The following LRPPRC variants were observed in gnomAD, a reference collection of about 807,000 sequenced individuals.
The protein encoded by LRPPRC is leucine rich pentatricopeptide repeat containing, also known as leucine-rich PPR motif-containing protein, mitochondrial.
LRPPRC carries 120 observed loss-of-function variants against 180.3 expected under a neutral mutation model. The ratio of observed to expected loss-of-function variants is 0.67; its 90% confidence interval spans 0.57 to 0.77. The LOEUF is 0.77. Among genes scored for constraint, LRPPRC ranks in the 30% least tolerant of loss-of-function variants. LRPPRC has a pLI of 0.00. For missense variants in LRPPRC, 2,012 were observed against 1,657.2 expected (o/e 1.21, Z -3.72); for synonymous variants, 723 against 600.0 (o/e 1.21, Z -3.00).
chr2:43,959,456 G>A (rs186553524), intron 13 of LRPPRC, among the ~76,000 whole-genome samples: 2 of 152,248 alleles, frequency 1.3e-5, no homozygotes, highest in East Asian at 3.9e-4. Context: ...ATTAATGAGA[G>A]CTTAACTGTT....
intron 34 of LRPPRC, among the ~76,000 whole-genome samples, chr2:43,897,237 CAACA>C (rs1670718229): frequency 6.6e-6 from 1 of 151,964 alleles, no homozygotes; most frequent in Non-Finnish European, 1.5e-5. Flanking sequence ...GCTTTCACTG[CAACA>C]GACAGCCAGC....
intron 31 of LRPPRC, chr2:43,903,439 G>C (rs965321672): frequency 6.6e-6 from 1 of 151,994 alleles, no homozygotes; most frequent in Non-Finnish European, 1.5e-5. Context: ...ACAACGGAAG[G>C]GAATTTTTAA....
At chr2:43,917,987 A>ACCCCCC in intron 29 of LRPPRC, 38 bp downstream of exon 29, 1 of 950,932 alleles carries the variant, frequency 1.1e-6, no homozygotes, top group Non-Finnish European at 1.7e-6. Flanking sequence ...AAAGAAGACC[A>ACCCCCC]CCCCCCCACA....
Position 43,995,926 on chromosome 2 carries a change from C to G in LRPPRC, c.22G>C (p.Ala8Pro). The change falls in exon 1 of 38, where the codon GCG (alanine) becomes CCG (proline). Residue 8 changes from alanine to proline, a missense_variant. Transcript: ENST00000260665. MAALLRS[A>P]RWLLRAGAAP... ...GCCCCGGCACGCAGCAACCAACGCG[C>G]GGATCTCAGCAGGGCTGCCATTGCT... 6.6e-7 allele frequency: 1 copy of G among 1,519,154 alleles called. No homozygotes were observed. 94.1% of individuals were successfully genotyped at this position (1,519,154 alleles called of 1,614,324 possible). A position where few individuals can be genotyped will look rare whatever the true frequency, so the allele number is the denominator to read the frequency against.
chr2:43,895,439 T>C (rs1670644198), intron 35 of LRPPRC, among the ~76,000 whole-genome samples: 1 of 152,244 alleles, frequency 6.6e-6, no homozygotes, highest in Non-Finnish European at 1.5e-5. Context: ...GCAGACATAT[T>C]GCCGTGCATT....
rs922672400 is a variant in LRPPRC at position 43,975,290 on chromosome 2, T to C, written c.738-73A>G. 23 of 1,281,728 alleles carry C rather than the reference T, an allele frequency of 1.8e-5. 1 individual carries two copies. Among genetic ancestry groups the C allele is most frequent in the South Asian group, 2.5e-5 (2 of 81,258 alleles). 79.4% of individuals were successfully genotyped at this position (1,281,728 alleles called of 1,614,324 possible). ...ATATAGTTATTCAAACTAAAACATATGCTTATTAAAATAAAAAATGCTAAG... is the reference window on the plus strand; with the variant it reads ...ATATAGTTATTCAAACTAAAACATACGCTTATTAAAATAAAAAATGCTAAG... On this transcript the variant is annotated intron_variant, in intron 6 of 37. Transcript: ENST00000260665.
intron 11 of LRPPRC, among the ~76,000 whole-genome samples, chr2:43,964,940 C>T (rs770910791): frequency 1.3e-5 from 2 of 152,142 alleles, no homozygotes; most frequent in Admixed American, 6.5e-5. Flanking sequence ...CAGCTATTCA[C>T]GAGGCTGATG....
intron 13 of LRPPRC, 33 bp from the exon 14 acceptor site, chr2:43,957,484 G>C: frequency 6.6e-7 from 1 of 1,522,926 alleles, no homozygotes; most frequent in Non-Finnish European, 9.1e-7. Flanking sequence ...TTAAATCTCA[G>C]ACCAAACAAA....
intron 8 of LRPPRC, 152 bp downstream of exon 8, chr2:43,974,462 T>C: frequency 2.5e-6 from 2 of 787,756 alleles, no homozygotes; most frequent in South Asian, 3.2e-5. Flanking sequence ...CATGTGTTCA[T>C]TAACTCATGT....
chr2:43,975,017 C>T, intron 7 of LRPPRC, 74 bp downstream of exon 7: 1 of 1,476,008 alleles, frequency 6.8e-7, no homozygotes, highest in South Asian at 1.1e-5. Flanking sequence ...ACTTCACTTT[C>T]CTGCCTCATG....
rs142492838 is a variant in LRPPRC, at chr2:43,915,198, A to ACTCTCTCTCTCTCTCTCT, written c.3149-2658_3149-2641dup. 7.6e-3 allele frequency among the ~76,000 whole-genome samples: 484 copies of ACTCTCTCTCTCTCTCTCT among 63,420 alleles called. 18 individuals carry two copies. Among genetic ancestry groups the ACTCTCTCTCTCTCTCTCT allele is most frequent in the Non-Finnish European group, 0.015 (393 of 26,412 alleles). 41.6% of individuals were successfully genotyped at this position (63,420 alleles called of 152,430 possible). A position where few individuals can be genotyped will look rare whatever the true frequency, so the allele number is the denominator to read the frequency against. ...ACTCCGGCCTGGGCAACAGAACAAG[A>ACTCTCTCTCTCTCTCTCT]CTCTCTCTCTCTCTCTCTCTCTCTC... On this transcript the variant is annotated intron_variant, in intron 29 of 37. Coordinates refer to ENST00000260665, the MANE Select transcript of LRPPRC (RefSeq NM_133259.4).
chr2:43,912,133 T>C (rs1223566260), intron 30 of LRPPRC, among the ~76,000 whole-genome samples: 2 of 152,172 alleles, frequency 1.3e-5, no homozygotes, highest in Non-Finnish European at 2.9e-5. Context: ...GATTTAGATG[T>C]TGAACAAGGA....
chr2:43,946,110 C>T lies in LRPPRC; in HGVS notation c.2210+3G>A, dbSNP rs1187991461. The T allele has an allele frequency of 3.7e-6, 6 of 1,612,334 alleles. No homozygotes were observed. Among genetic ancestry groups the T allele is most frequent in the Non-Finnish European group, 5.1e-6 (6 of 1,178,790 alleles). Reference sequence around the variant, plus strand: ...CAACTTGTTTCAGTGCCAGGGTACTCACAATTCTTCTTTCAAGTTCAAGGC... The same window carrying T: ...CAACTTGTTTCAGTGCCAGGGTACTTACAATTCTTCTTTCAAGTTCAAGGC... On this transcript the variant is annotated splice_donor_region_variant and intron_variant, in intron 21 of 37. Coordinates refer to ENST00000260665, the MANE Select transcript of LRPPRC (RefSeq NM_133259.4).
In LRPPRC at chr2:43,957,470, A is replaced by G. The variant is rs1030922628; in HGVS notation, c.1583-19T>C. 4 of 1,588,684 alleles carry G rather than the reference A, an allele frequency of 2.5e-6. No homozygotes were observed. The highest frequency in any genetic ancestry group is 3.3e-4 in the Middle Eastern group (2 of 6,030). ...GATTTCACTGCAAAAGAAAATGACC[A>G]TCATTAAATCTCAGACCAAACAAAT... On this transcript the variant is annotated intron_variant, in intron 13 of 37. Coordinates refer to ENST00000260665, the MANE Select transcript of LRPPRC (RefSeq NM_133259.4).
chr2:43,925,240 C>G (rs1671835048), intron 26 of LRPPRC, 83 bp from the exon 27 acceptor site: 1 of 824,508 alleles, frequency 1.2e-6, no homozygotes, highest in Non-Finnish European at 2.2e-6. Context: ...AATAATCTTT[C>G]AAATTAGCTT....
chr2:43,933,741 C>G (rs1672174355), intron 25 of LRPPRC, among the ~76,000 whole-genome samples: 1 of 152,134 alleles, frequency 6.6e-6, no homozygotes, highest in South Asian at 2.1e-4. Context: ...AAATGCCAAA[C>G]AGTTGCAGAC....
intron 1 of LRPPRC, among the ~76,000 whole-genome samples, chr2:43,987,838 T>C (rs1233085846): frequency 6.6e-6 from 1 of 152,204 alleles, no homozygotes; most frequent in East Asian, 1.9e-4. Flanking sequence ...ATTCAAAATA[T>C]ATTTACTGAG....
intron 12 of LRPPRC, among the ~76,000 whole-genome samples, 156 bp from the exon 13 acceptor site, chr2:43,960,790 G>C (rs1673317018): frequency 6.6e-6 from 1 of 152,170 alleles, no homozygotes; most frequent in Non-Finnish European, 1.5e-5. Flanking sequence ...AAAATTTAAA[G>C]ATGACATTTC....
At chr2:43,965,923 G>T (rs1673536520) in intron 11 of LRPPRC, among the ~76,000 whole-genome samples, 1 of 152,144 alleles carries the variant, frequency 6.6e-6, no homozygotes, top group Admixed American at 6.5e-5. Flanking sequence ...GGGAGAGTAT[G>T]GAGATTCCTG....
Sources: gnomAD v4.1 joint callset for allele counts (sites outside exome capture counted in the v4.1 genomes callset) on GRCh38, gnomAD v4.1.1 for gene constraint, MANE v1.5 for transcripts, NCBI Gene and HGNC (gene_info 2026-07-23, HGNC 2026-07-21) for gene names.